The following CYREN variants were observed in gnomAD, a reference collection of about 807,000 sequenced individuals.
CYREN encodes cell cycle regulator of NHEJ.
CYREN carries 7 observed loss-of-function variants against 9.7 expected under a neutral mutation model. That is an observed-to-expected ratio of 0.72 (90% CI 0.41 to 1.36). CYREN has a LOEUF of 1.36. Ranked by LOEUF, CYREN falls within the 40% of genes most tolerant of loss-of-function variation. The probability of loss-of-function intolerance (pLI) is 0.01; values close to 1 mark genes in which losing one functional copy is unlikely to be tolerated. For missense variants in CYREN, 215 were observed against 198.1 expected, an observed-to-expected ratio of 1.09 and a Z score of -0.51; for synonymous variants, 76 against 77.9, an observed-to-expected ratio of 0.98 and a Z score of 0.13.
intron 2 of CYREN, among the ~76,000 whole-genome samples, chr7:135,099,234 T>A (rs914491020): frequency 6.6e-6 from 1 of 152,200 alleles, no homozygotes; most frequent in East Asian, 1.9e-4. Context: ...CTGTCTTTCA[T>A]AGATCCTAAC....
rs1273759335 is a variant in CYREN at position 135,165,898 on chromosome 7, T to A, written c.*713A>T. 6.0e-6 allele frequency: 1 copy of A among 167,068 alleles called. No individual in the cohort carries two copies. The highest frequency in any genetic ancestry group is 1.5e-5 in the Non-Finnish European group (1 of 68,138). 10.3% of individuals were successfully genotyped at this position (167,068 alleles called of 1,614,324 possible). A position where few individuals can be genotyped will look rare whatever the true frequency, so the allele number is the denominator to read the frequency against. ...CACTGAAAACAGAGGCAGAGACATG[T>A]ACTCTGGTGTGATCTCTTGTCCTCA... On this transcript the variant is annotated 3_prime_UTR_variant, in exon 4 of 4. Coordinates refer to ENST00000393114, the MANE Select transcript of CYREN (RefSeq NM_024033.4).
chr7:135,147,835 G>A (rs780949937), intron 2 of CYREN: 1 of 456,122 alleles, frequency 2.2e-6, no homozygotes, highest in Non-Finnish European at 4.4e-6. Context: ...GGAGCTTCGA[G>A]AGTTCTTTGG....
intron 2 of CYREN, among the ~76,000 whole-genome samples, chr7:135,138,116 T>G (rs1330602401): frequency 6.6e-6 from 1 of 151,982 alleles, no homozygotes; most frequent in Non-Finnish European, 1.5e-5. Context: ...AGAAATGGAC[T>G]TTTTCAGACA....
intron 2 of CYREN, among the ~76,000 whole-genome samples, chr7:135,125,083 A>T (rs563137800): frequency 2.0e-3 from 298 of 152,264 alleles, no homozygotes; most frequent in Non-Finnish European, 3.0e-3. Flanking sequence ...AGACACAAAA[A>T]ACTCCCCCAA....
chr7:135,113,081 T>C (rs1825868556), intron 2 of CYREN, among the ~76,000 whole-genome samples: 1 of 152,248 alleles, frequency 6.6e-6, no homozygotes, highest in Non-Finnish European at 1.5e-5. Context: ...CCGGCCTACA[T>C]TCAGTGAATG....
intron 2 of CYREN, among the ~76,000 whole-genome samples, chr7:135,116,948 G>C (rs1826405684): frequency 1.3e-5 from 2 of 152,232 alleles, no homozygotes; most frequent in African/African-American, 2.4e-5. Context: ...CCAAGTCTTG[G>C]ATATATGAGG....
At chr7:135,101,037 G>T (rs751616487) in intron 2 of CYREN, 13 of 377,938 alleles carry the variant, frequency 3.4e-5, no homozygotes, top group Non-Finnish European at 6.8e-5. Flanking sequence ...TACATGAGTA[G>T]CTTACTGTTG....
At chr7:135,167,919 T>A in intron 2 of CYREN, 112 bp from the exon 3 acceptor site, 1 of 1,538,978 alleles carries the variant, frequency 6.5e-7, no homozygotes, top group Non-Finnish European at 8.8e-7. Flanking sequence ...ACGCAGGAGG[T>A]ACCAGCACCT....
rs979889075 is a variant in CYREN, at chr7:135,167,083, T to G, written c.214-212A>C. ...AGCTCTTGAAGAAACCAGAACCCAC[T>G]CGGGAGAGAAGCAAGCAAAGGCATG... On this transcript the variant is annotated intron_variant, in intron 3 of 3. Coordinates refer to ENST00000393114, the MANE Select transcript of CYREN (RefSeq NM_024033.4). 1.5e-5 allele frequency: 15 copies of G among 983,778 alleles called. No homozygotes were observed. The Admixed American group carries it at 2.5e-4, about 16-fold the overall frequency. The allele number at this position is 983,778 out of a possible 1,614,324, so 60.9% of individuals were successfully genotyped here. A position where few individuals can be genotyped will look rare whatever the true frequency, so the allele number is the denominator to read the frequency against.
chr7:135,135,137 C>G, intron 2 of CYREN: 1 of 1,551,126 alleles, frequency 6.4e-7, no homozygotes, highest in Non-Finnish European at 8.7e-7. Flanking sequence ...AGTCTTCAAG[C>G]TGAAGAAACT....
At chr7:135,159,319 A>G (rs1467671422) in intron 2 of CYREN, among the ~76,000 whole-genome samples, 1 of 152,226 alleles carries the variant, frequency 6.6e-6, no homozygotes. Flanking sequence ...TTCAATAAGA[A>G]CCTGACAAAT....
chr7:135,106,295 G>A (rs1208821293), intron 2 of CYREN, among the ~76,000 whole-genome samples: 3 of 152,164 alleles, frequency 2.0e-5, no homozygotes, highest in African/African-American at 7.2e-5. Flanking sequence ...GGGCATCCTT[G>A]TCTTGTGCCA....
intron 2 of CYREN, among the ~76,000 whole-genome samples, chr7:135,144,938 T>TAAAAAA (rs58443282): frequency 0.025 from 1,122 of 45,646 alleles, 23 homozygotes; most frequent in East Asian, 0.048. Flanking sequence ...CTCAAAAGAG[T>TAAAAAA]AAAAAAAAAA....
chr7:135,164,492 C>T (rs752559433), downstream of CYREN: 1 of 1,611,644 alleles, frequency 6.2e-7, no homozygotes, highest in Non-Finnish European at 8.5e-7. Flanking sequence ...TCATGAGCAT[C>T]ATAGTCCTCG....
At chr7:135,119,058 A>G (rs144533447) in intron 2 of CYREN, among the ~76,000 whole-genome samples, 34 of 152,290 alleles carry the variant, frequency 2.2e-4, no homozygotes, top group Non-Finnish European at 2.5e-4. Flanking sequence ...ATATTCACAT[A>G]TCGTAGTTTC....
At chr7:135,110,184 T>C (rs892212571) in intron 2 of CYREN, among the ~76,000 whole-genome samples, 1 of 152,108 alleles carries the variant, frequency 6.6e-6, no homozygotes, top group Admixed American at 6.5e-5. Context: ...GGGAGCTCTG[T>C]CTCAGGGAGG....
At chr7:135,156,541 G>T (rs1037394102) in intron 2 of CYREN, among the ~76,000 whole-genome samples, 1 of 151,742 alleles carries the variant, frequency 6.6e-6, no homozygotes, top group African/African-American at 2.4e-5. Flanking sequence ...GAATTTTTTA[G>T]TTCCAGAATT....
At chr7:135,166,925 T>G (rs958848300) in intron 3 of CYREN, 54 bp from the exon 4 acceptor site, 35 of 1,584,352 alleles carry the variant, frequency 2.2e-5, no homozygotes, top group Admixed American at 1.7e-5. Context: ...TTCCCTAACA[T>G]GCTGATCTGT....
intron 2 of CYREN, chr7:135,129,242 C>A: frequency 6.7e-7 from 1 of 1,502,390 alleles, no homozygotes; most frequent in Non-Finnish European, 9.3e-7. Context: ...CTGGCTACAT[C>A]ATGGGTATCT....
Sources: gnomAD v4.1 joint callset for allele counts (sites outside exome capture counted in the v4.1 genomes callset) on GRCh38, gnomAD v4.1.1 for gene constraint, MANE v1.5 for transcripts, NCBI Gene and HGNC (gene_info 2026-07-23, HGNC 2026-07-21) for gene names.